GRHL2: variants seen among roughly 807,000 people sequenced by gnomAD.
The protein encoded by GRHL2 is grainyhead-like protein 2 homolog.
In GRHL2, 21 loss-of-function variants were observed where a neutral mutation model predicts 83.8. The observed-to-expected ratio is 0.25, with a 90% CI of 0.18 to 0.36. GRHL2 has a LOEUF of 0.36. GRHL2 is among the 10% of genes least tolerant of loss of function. The probability of loss-of-function intolerance (pLI) is 1.00; values close to 1 mark genes in which losing one functional copy is unlikely to be tolerated. For synonymous variants in GRHL2, 280 were observed against 278.9 expected (o/e 1.00, Z -0.04); for missense variants, 623 against 781.8 (o/e 0.80, Z 2.42).
In GRHL2 at chr8:101,652,501, TGTGTGTGTG is replaced by T. The variant is rs1563627359; in HGVS notation, c.1698+3012_1698+3020del. 2.9e-4 allele frequency among the ~76,000 whole-genome samples: 31 copies of T among 105,350 alleles called. No individual in the cohort carries two copies. The East Asian group carries it at 7.6e-3, about 26-fold the overall frequency. 69.1% of individuals were successfully genotyped at this position (105,350 alleles called of 152,430 possible). A position where few individuals can be genotyped will look rare whatever the true frequency, so the allele number is the denominator to read the frequency against. On this transcript the variant is annotated intron_variant, in intron 14 of 15. Coordinates refer to ENST00000646743, the MANE Select transcript of GRHL2 (RefSeq NM_024915.4). ...GTGGTATGTGTGTATGTGTGTGGTG[TGTGTGTGTG>T]GTGTGTGTGTGGTGTGTGTGTGGTG...
chr8:101,518,552 A>G (rs1455005521), intron 1 of GRHL2, among the ~76,000 whole-genome samples: 4 of 152,210 alleles, frequency 2.6e-5, no homozygotes, highest in East Asian at 1.9e-4. Context: ...TTACAAGAAT[A>G]TAATACAACC....
At chr8:101,640,192 A>G (rs951147851) in intron 12 of GRHL2, among the ~76,000 whole-genome samples, 1 of 152,244 alleles carries the variant, frequency 6.6e-6, no homozygotes, top group African/African-American at 2.4e-5. Flanking sequence ...TTCTTAACTT[A>G]AAATAACAAT....
intron 9 of GRHL2, among the ~76,000 whole-genome samples, chr8:101,622,073 A>T (rs562358166): frequency 2.0e-5 from 3 of 152,344 alleles, no homozygotes; most frequent in Admixed American, 6.5e-5. Context: ...AGTATAACCA[A>T]TACAAAATAG....
intron 7 of GRHL2, among the ~76,000 whole-genome samples, chr8:101,581,168 G>C (rs1261198709): frequency 6.6e-6 from 1 of 152,212 alleles, no homozygotes; most frequent in Non-Finnish European, 1.5e-5. Context: ...CAGACATGGA[G>C]GACGTTTTGC....
chr8:101,582,381 T>G (rs682660), intron 7 of GRHL2, among the ~76,000 whole-genome samples: 86,652 of 152,054 alleles, frequency 0.57, 25,791 homozygotes, highest in Non-Finnish European at 0.67. Context: ...AGAGTAGGGT[T>G]AAGGAAGGGA....
intron 8 of GRHL2, among the ~76,000 whole-genome samples, chr8:101,602,655 A>G (rs985683398): frequency 6.6e-6 from 1 of 152,220 alleles, no homozygotes; most frequent in Non-Finnish European, 1.5e-5. Context: ...TCTGGCAACC[A>G]TTAGGCCTGA....
At chr8:101,520,879 A>G (rs1274705505) in intron 1 of GRHL2, among the ~76,000 whole-genome samples, 1 of 152,094 alleles carries the variant, frequency 6.6e-6, no homozygotes, top group Non-Finnish European at 1.5e-5. Context: ...CTGTAATGAC[A>G]TTCCTTCCTC....
intron 14 of GRHL2, among the ~76,000 whole-genome samples, chr8:101,657,635 T>C (rs1367285049): frequency 1.3e-5 from 2 of 151,896 alleles, no homozygotes; most frequent in African/African-American, 4.8e-5. Flanking sequence ...GGTCAGGAGA[T>C]TGAGACCATC....
chr8:101,583,642 G>T (rs529449203), intron 7 of GRHL2, among the ~76,000 whole-genome samples: 1 of 152,320 alleles, frequency 6.6e-6, no homozygotes, highest in South Asian at 2.1e-4. Flanking sequence ...TTTGCACAGT[G>T]TGTGAGCCAT....
chr8:101,563,720 G>GTT lies in GRHL2; in HGVS notation c.678+4916_678+4917dup, dbSNP rs577143342. ...TAGTTAGCAAACTTATTTTTTTTTT[G>GTT]TTTTTTTTTGTTTTTTTGTTTTTAA... On this transcript the variant is annotated intron_variant, in intron 4 of 15. Coordinates refer to ENST00000646743, the MANE Select transcript of GRHL2 (RefSeq NM_024915.4). 6.2e-5 allele frequency among the ~76,000 whole-genome samples: 9 copies of GTT among 145,888 alleles called. 1 individual carries two copies. The highest frequency in any genetic ancestry group is 2.3e-4 in the African/African-American group (9 of 39,686).
intron 7 of GRHL2, among the ~76,000 whole-genome samples, chr8:101,582,562 C>T (rs1175443483): frequency 2.0e-5 from 3 of 152,192 alleles, no homozygotes; most frequent in Non-Finnish European, 2.9e-5. Flanking sequence ...TGGAGGCTGA[C>T]TGAGCCCAGG....
At chr8:101,675,461 T>A in the GRHL2 span, among the ~76,000 whole-genome samples, 1 of 151,890 alleles carries the variant, frequency 6.6e-6, no homozygotes, top group Admixed American at 6.6e-5. Flanking sequence ...CATTCACAAC[T>A]GCTTCAGAGA....
intron 1 of GRHL2, among the ~76,000 whole-genome samples, chr8:101,532,170 A>G (rs939063015): frequency 3.3e-5 from 5 of 152,264 alleles, no homozygotes; most frequent in African/African-American, 4.8e-5. Context: ...CAGTCAAACA[A>G]TCATTTGTGG....
intron 5 of GRHL2, among the ~76,000 whole-genome samples, chr8:101,570,999 C>T (rs1402050185): frequency 1.3e-5 from 2 of 152,220 alleles, no homozygotes; most frequent in East Asian, 1.9e-4. Context: ...CTATCATGCA[C>T]TCAGGTGCCT....
rs1007772007 is a variant in GRHL2 at position 101,577,494 on chromosome 8, G to A, written c.978G>A (p.Thr326=). The A allele has an allele frequency of 1.5e-5, 24 of 1,613,588 alleles. No homozygotes were observed. The highest frequency in any genetic ancestry group is 1.6e-4 in the Middle Eastern group (1 of 6,084). The change falls in exon 7 of 16, where the codon ACG becomes ACA. Residue 326 remains threonine, a synonymous_variant. Transcript: ENST00000646743. ...YWKYWHSRQH[T]AKQRVLDIAD... ...AATACTGGCACTCTCGGCAGCATAC[G>A]GCGAAGCAGAGGGTCCTTGACATTG... is the stretch of plus-strand genomic sequence containing the variant.
intron 14 of GRHL2, among the ~76,000 whole-genome samples, chr8:101,650,592 CAT>C (rs1813601505): frequency 6.6e-6 from 1 of 151,792 alleles, no homozygotes; most frequent in African/African-American, 2.4e-5. Context: ...ATTTATAGGA[CAT>C]ATTGAGAATA....
At chr8:101,605,191 G>T (rs915471039) in intron 8 of GRHL2, among the ~76,000 whole-genome samples, 6 of 152,184 alleles carry the variant, frequency 3.9e-5, no homozygotes, top group Non-Finnish European at 1.5e-5. Context: ...TTGGAGGTGG[G>T]CAGGGCTGAG....
At chr8:101,548,412 A>G (rs1811310301) in intron 2 of GRHL2, among the ~76,000 whole-genome samples, 1 of 152,208 alleles carries the variant, frequency 6.6e-6, no homozygotes, top group Non-Finnish European at 1.5e-5. Context: ...AACCTCCCAG[A>G]TAATTCACCA....
chr8:101,568,234 G>A (rs995026505), intron 4 of GRHL2, among the ~76,000 whole-genome samples: 1 of 152,246 alleles, frequency 6.6e-6, no homozygotes, highest in Non-Finnish European at 1.5e-5. Flanking sequence ...CATGGAGCTA[G>A]GGGCTATCAT....
Sources: gnomAD v4.1 joint callset for allele counts (sites outside exome capture counted in the v4.1 genomes callset) on GRCh38, gnomAD v4.1.1 for gene constraint, MANE v1.5 for transcripts, NCBI Gene and HGNC (gene_info 2026-07-23, HGNC 2026-07-21) for gene names.